Variants in BTRC observed in about 807,000 individuals in gnomAD.
The protein encoded by BTRC is F-box/WD repeat-containing protein 1A.
Under a neutral mutation model 85.5 loss-of-function variants are expected in BTRC, and 42 were observed. The observed-to-expected ratio is 0.49, with a 90% confidence interval of 0.38 to 0.64. The LOEUF (loss-of-function observed/expected upper bound fraction) is 0.64, where lower values mean the gene tolerates loss of function less well. BTRC is among the 30% of genes least tolerant of loss of function. BTRC has a pLI of 0.00. For synonymous variants in BTRC, 255 were observed against 263.3 expected (o/e 0.97, Z 0.30); for missense variants, 594 against 743.5 (o/e 0.80, Z 2.34).
chr10:101,534,872 A>C lies in BTRC; in HGVS notation c.1309A>C (p.Lys437Gln). ...TGTCAATGTTGTAGACTTTGATGAC[A>C]AGTACATTGTTTCTGCATCTGGGGA... ...AAVNVVDFDD[K>Q]YIVSASGDRT... Residue 437 changes from lysine to glutamine, a missense_variant, in exon 10 of 15, where the codon AAG (lysine) becomes CAG (glutamine). By Grantham distance (53) the Lys-to-Gln change is moderately conservative (BLOSUM62 1). Transcript: ENST00000370187. The C allele has an allele frequency of 6.2e-7, 1 of 1,614,154 alleles. No individual in the cohort carries two copies. Among genetic ancestry groups the C allele is most frequent in the Non-Finnish European group, 8.5e-7 (1 of 1,179,996 alleles).
intron 5 of BTRC, among the ~76,000 whole-genome samples, chr10:101,522,960 C>T (rs1316806795): frequency 6.6e-6 from 1 of 152,104 alleles, no homozygotes; most frequent in Non-Finnish European, 1.5e-5. Context: ...AATTCCAGCA[C>T]TTTGGGAGGC....
intron 1 of BTRC, among the ~76,000 whole-genome samples, chr10:101,366,671 T>G (rs1942383893): frequency 6.8e-6 from 1 of 147,052 alleles, no homozygotes; most frequent in Admixed American, 7.2e-5. Flanking sequence ...GTTGGGCAGG[T>G]GCAGTGAGTT....
intron 1 of BTRC, among the ~76,000 whole-genome samples, chr10:101,366,929 T>TTATATAA (rs1564730359): frequency 1.0e-4 from 2 of 19,314 alleles, no homozygotes; most frequent in African/African-American, 2.5e-4. Context: ...TATATATATT[T>TTATATAA]ATATATATTT....
At chr10:101,409,170 A>C (rs538619247) in intron 1 of BTRC, among the ~76,000 whole-genome samples, 19 of 152,354 alleles carry the variant, frequency 1.2e-4, no homozygotes, top group Admixed American at 1.2e-3. Context: ...ACCTCTATGT[A>C]GTTGAAAGAC....
chr10:101,499,818 T>C (rs1946358345), intron 4 of BTRC, among the ~76,000 whole-genome samples: 1 of 151,702 alleles, frequency 6.6e-6, no homozygotes, highest in Non-Finnish European at 1.5e-5. Flanking sequence ...CATTGAAACT[T>C]AATTCTTTCA....
intron 6 of BTRC, among the ~76,000 whole-genome samples, chr10:101,527,784 T>TA (rs2062215975): frequency 7.0e-6 from 1 of 143,748 alleles, no homozygotes; most frequent in African/African-American, 2.5e-5. Context: ...TCTCTCTCTC[T>TA]CTCTCTCACA....
chr10:101,367,970 C>A (rs983060564), intron 1 of BTRC, among the ~76,000 whole-genome samples: 1 of 152,128 alleles, frequency 6.6e-6, no homozygotes, highest in Non-Finnish European at 1.5e-5. Context: ...AGAATGGAAT[C>A]GCTGGGTCAC....
Position 101,366,894 on chromosome 10 carries a change from ATATT to A in BTRC, c.48+12670_48+12673del, listed in dbSNP as rs1419273500. Reference sequence around the variant, plus strand: ...AATATATATTTATATATATTTATATATATTTATATATATTAATATATATTTATAT... The same window carrying A: ...AATATATATTTATATATATTTATATATATATATATTAATATATATTTATAT... On this transcript the variant is annotated intron_variant, in intron 1 of 14. Transcript: ENST00000370187. Among the ~76,000 whole-genome samples, 24 of 43,044 alleles carry A rather than the reference ATATT, an allele frequency of 5.6e-4. 2 individuals are homozygous for A. The highest frequency in any genetic ancestry group is 2.4e-3 in the East Asian group (4 of 1,696). The allele number at this position is 43,044 out of a possible 152,430, so 28.2% of individuals were successfully genotyped here. A position where few individuals can be genotyped will look rare whatever the true frequency, so the allele number is the denominator to read the frequency against.
At chr10:101,450,309 A>C (rs958295376) in intron 2 of BTRC, among the ~76,000 whole-genome samples, 2 of 152,134 alleles carry the variant, frequency 1.3e-5, no homozygotes, top group African/African-American at 4.8e-5. Flanking sequence ...TATTGCTACA[A>C]ATTTGTCTTT....
intron 1 of BTRC, among the ~76,000 whole-genome samples, chr10:101,360,133 C>T (rs1054247317): frequency 2.0e-5 from 3 of 152,082 alleles, no homozygotes; most frequent in Non-Finnish European, 4.4e-5. Flanking sequence ...TGGCTCACTG[C>T]AGCCCCTACC....
chr10:101,413,512 C>T (rs1943841490), intron 1 of BTRC, among the ~76,000 whole-genome samples: 1 of 152,162 alleles, frequency 6.6e-6, no homozygotes, highest in South Asian at 2.1e-4. Flanking sequence ...TGGGGTTTCA[C>T]CATCTTGGCC....
intron 1 of BTRC, among the ~76,000 whole-genome samples, chr10:101,394,282 A>AT (rs1465879014): frequency 1.3e-5 from 2 of 152,196 alleles, no homozygotes; most frequent in Non-Finnish European, 2.9e-5. Context: ...GAAATGGGAT[A>AT]TTTTTAGATC....
At chr10:101,490,271 T>C (rs942332329) in intron 4 of BTRC, among the ~76,000 whole-genome samples, 1 of 151,754 alleles carries the variant, frequency 6.6e-6, no homozygotes, top group African/African-American at 2.4e-5. Context: ...CTTCCTTTCT[T>C]CTTCCTTCCT....
At chr10:101,518,503 G>GA (rs2062055672) in intron 4 of BTRC, among the ~76,000 whole-genome samples, 1 of 152,214 alleles carries the variant, frequency 6.6e-6, no homozygotes, top group South Asian at 2.1e-4. Flanking sequence ...TCAAAGCCCA[G>GA]ATTCACAGAA....
chr10:101,443,284 A>G (rs1006564849), intron 2 of BTRC, among the ~76,000 whole-genome samples: 36 of 152,224 alleles, frequency 2.4e-4, no homozygotes, highest in African/African-American at 8.2e-4. Context: ...TTTAAAAGAA[A>G]AAAAGAATCT....
At chr10:101,383,152 C>T (rs776742730) in intron 1 of BTRC, among the ~76,000 whole-genome samples, 2 of 150,012 alleles carry the variant, frequency 1.3e-5, no homozygotes, top group Non-Finnish European at 1.5e-5. Context: ...CAGCCTTGAC[C>T]TCCCAGGCTC....
chr10:101,529,352 T>A (rs934444852), intron 6 of BTRC, among the ~76,000 whole-genome samples: 1 of 152,214 alleles, frequency 6.6e-6, no homozygotes, highest in Non-Finnish European at 1.5e-5. Flanking sequence ...TTCTCTTTCC[T>A]TAGAATGTAG....
At chr10:101,429,499 T>TCC (rs1423022040) in intron 1 of BTRC, among the ~76,000 whole-genome samples, 1 of 77,710 alleles carries the variant, frequency 1.3e-5, no homozygotes, top group African/African-American at 4.1e-5. Context: ...CCTCTTCCTC[T>TCC]CCCCTCCCCC....
At position 101,545,330 on chromosome 10, in the gene BTRC, T is replaced by C. The variant is rs137967560; in HGVS notation, c.1657-5369T>C. ...AATTTGAAGAAGAAGGCTAAACTTA[T>C]GTTGTCTACAAGAAAGCTACTTTAA... On this transcript the variant is annotated intron_variant, in intron 13 of 14. Coordinates refer to ENST00000370187, the MANE Select transcript of BTRC (RefSeq NM_033637.4). 9.5e-3 allele frequency among the ~76,000 whole-genome samples: 1,440 copies of C among 152,346 alleles called. 12 individuals carry two copies. Among genetic ancestry groups the C allele is most frequent in the Non-Finnish European group, 0.017 (1,147 of 68,028 alleles).
Sources: allele counts gnomAD v4.1 joint callset (sites outside exome capture counted in the v4.1 genomes callset), GRCh38; gene constraint gnomAD v4.1.1; transcripts MANE v1.5; gene names NCBI Gene and HGNC (gene_info 2026-07-23, HGNC 2026-07-21).